Variants in RBM20 observed in about 807,000 individuals in gnomAD.
The protein encoded by RBM20 is RNA-binding protein 20.
A neutral mutation model predicts 110.1 loss-of-function variants in RBM20; 51 were observed. The observed-to-expected ratio is 0.46, with a 90% confidence interval of 0.37 to 0.59. The LOEUF is 0.59. Ranked by LOEUF, RBM20 falls within the 20% of genes least tolerant of loss-of-function variation. RBM20 has a pLI of 0.00. For missense variants in RBM20, 1,512 were observed against 1,574.9 expected, an observed-to-expected ratio of 0.96 and a Z score of 0.68; for synonymous variants, 589 against 618.2, an observed-to-expected ratio of 0.95 and a Z score of 0.70.
chr10:110,753,111 G>A (rs531756906), intron 1 of RBM20, among the ~76,000 whole-genome samples: 19 of 151,452 alleles, frequency 1.3e-4, no homozygotes, highest in Middle Eastern at 3.4e-3. Context: ...GCTAATTTTT[G>A]TATTTTTAGT....
At chr10:110,776,478 C>T (rs564136324) in intron 1 of RBM20, among the ~76,000 whole-genome samples, 119 of 152,154 alleles carry the variant, frequency 7.8e-4, no homozygotes, top group Non-Finnish European at 1.1e-3. Flanking sequence ...AATCTGTTTC[C>T]TGGTCTTTTC....
intron 6 of RBM20, among the ~76,000 whole-genome samples, chr10:110,798,837 T>A (rs1844585364): frequency 6.6e-6 from 1 of 152,130 alleles, no homozygotes; most frequent in South Asian, 2.1e-4. Context: ...GGAATCAGGA[T>A]CAGTATATTG....
Position 110,784,352 on chromosome 10 carries a change from G to T in RBM20, c.1349G>T (p.Arg450Leu), listed in dbSNP as rs377091991. ...CLVFSENAGI[R>L]CILGSAEGTL... ...CTCGCCCTCTCCAGTGCTGGCATCC[G>T]GTGTATACTTGGTTCGGCAGAGGGA... The change falls in exon 4 of 14, where the codon CGG becomes CTG. Residue 450 changes from arginine to leucine, a missense_variant. Arg to Leu is a moderately radical substitution (Grantham distance 102). This residue lies in a region of RBM20 where 1,149 missense variants were observed against 1,169.4 expected (regional missense o/e 0.98). Transcript: ENST00000369519. 5 of 1,550,676 alleles carry T rather than the reference G, an allele frequency of 3.2e-6. No individual in the cohort carries two copies. The highest frequency in any genetic ancestry group is 4.4e-6 in the Non-Finnish European group (5 of 1,146,528).
intron 1 of RBM20, among the ~76,000 whole-genome samples, chr10:110,662,349 G>A (rs2134825937): frequency 6.6e-6 from 1 of 152,298 alleles, no homozygotes; most frequent in South Asian, 2.1e-4. Flanking sequence ...ATCACTAGGG[G>A]AGACAGAGAT....
Position 110,821,450 on chromosome 10 carries a change from A to C in RBM20, c.2831A>C (p.Glu944Ala). The C allele has an allele frequency of 6.4e-7, 1 of 1,551,826 alleles. No homozygotes were observed. Among genetic ancestry groups the C allele is most frequent in the Non-Finnish European group, 8.7e-7 (1 of 1,147,018 alleles). The change falls in exon 11 of 14, where the codon GAA (glutamate) becomes GCA (alanine). Residue 944 changes from glutamate to alanine, a missense_variant. Glu to Ala is a moderately radical substitution (Grantham distance 107). This residue lies in a region of RBM20 where 358 missense variants were observed against 384.2 expected (regional missense o/e 0.93). Transcript: ENST00000369519. ...GACCAGAAAGACAAAATTTGCCCAG[A>C]AACATGTCTGTGTGTGACAACCACC... ...PIDQKDKICP[E>A]TCLCVTTTLD...
chr10:110,753,058 C>G (rs1189536651), intron 1 of RBM20, among the ~76,000 whole-genome samples: 4 of 151,078 alleles, frequency 2.6e-5, no homozygotes, highest in Non-Finnish European at 5.9e-5. Context: ...CCTGCCTCAG[C>G]CCCCTGAGTA....
intron 7 of RBM20, among the ~76,000 whole-genome samples, chr10:110,801,341 C>T (rs1295488260): frequency 6.6e-5 from 10 of 151,664 alleles, no homozygotes; most frequent in African/African-American, 1.7e-4. Flanking sequence ...GCAGGAGAAT[C>T]GCTTTAACCT....
intron 1 of RBM20, among the ~76,000 whole-genome samples, chr10:110,757,455 G>T (rs1262702739): frequency 6.6e-6 from 1 of 152,180 alleles, no homozygotes; most frequent in Non-Finnish European, 1.5e-5. Context: ...AGTAGAGTGG[G>T]TCTTTCTCCT....
chr10:110,740,559 A>T (rs1486209571), intron 1 of RBM20, among the ~76,000 whole-genome samples: 2 of 151,888 alleles, frequency 1.3e-5, no homozygotes, highest in Non-Finnish European at 2.9e-5. Context: ...CACCAGAGAG[A>T]TGGAGCCCCT....
At position 110,644,423 on chromosome 10, in the gene RBM20, C is replaced by T. The variant is rs1287385583; in HGVS notation, c.-32C>T. ...CGGGACCGCCCCTCCCTTGAGCTCTCTCGCCGCGATCCCGGGCGGGTCTCG... is the reference window on the plus strand; with the variant it reads ...CGGGACCGCCCCTCCCTTGAGCTCTTTCGCCGCGATCCCGGGCGGGTCTCG... On this transcript the variant is annotated 5_prime_UTR_variant, in exon 1 of 14. Transcript: ENST00000369519. The surrounding 1 kb of genome is among the most constrained non-coding windows in gnomAD (Gnocchi z 4.3). The T allele has an allele frequency of 6.9e-7, 1 of 1,441,586 alleles. No individual in the cohort carries two copies. Among genetic ancestry groups the T allele is most frequent in the African/African-American group, 1.5e-5 (1 of 67,504 alleles). 89.3% of individuals were successfully genotyped at this position (1,441,586 alleles called of 1,614,324 possible).
chr10:110,753,535 A>G (rs1156336575), intron 1 of RBM20, among the ~76,000 whole-genome samples: 2 of 152,176 alleles, frequency 1.3e-5, no homozygotes, highest in Non-Finnish European at 2.9e-5. Flanking sequence ...TAATCTTTAG[A>G]ATTTCCCTTG....
At chr10:110,672,398 A>G (rs1862274687) in intron 1 of RBM20, among the ~76,000 whole-genome samples, 1 of 152,198 alleles carries the variant, frequency 6.6e-6, no homozygotes. Flanking sequence ...GAGACAGTCA[A>G]AGGGGAGGCT....
intron 1 of RBM20, among the ~76,000 whole-genome samples, chr10:110,766,272 C>T (rs369516117): frequency 4.6e-5 from 7 of 151,622 alleles, no homozygotes; most frequent in East Asian, 3.9e-4. Context: ...TGTATCTAAC[C>T]GTTGTGAGGT....
Position 110,797,613 on chromosome 10 carries a change from G to C in RBM20, c.1633G>C (p.Val545Leu). The change falls in exon 6 of 14, where the codon GTC becomes CTC. Residue 545 changes from valine to leucine, a missense_variant. Physicochemically the swap from Val to Leu is conservative, Grantham distance 32. Transcript: ENST00000369519. ...VINLGLPFGK[V>L]TNYILMKSTN... Reference sequence around the variant, plus strand: ...TAACCTGGGGCTGCCCTTTGGAAAGGTCACTAATTACATCCTCATGAAGTC... The same window carrying C: ...TAACCTGGGGCTGCCCTTTGGAAAGCTCACTAATTACATCCTCATGAAGTC... 6.4e-7 allele frequency: 1 copy of C among 1,551,816 alleles called. No homozygotes were observed. The highest frequency in any genetic ancestry group is 8.7e-7 in the Non-Finnish European group (1 of 1,147,028).
intron 1 of RBM20, among the ~76,000 whole-genome samples, chr10:110,681,541 C>T (rs2134859961): frequency 2.0e-5 from 3 of 152,242 alleles, no homozygotes; most frequent in Middle Eastern, 6.8e-3. Context: ...GCTTTTAAGC[C>T]CTGTAAAGAC....
At chr10:110,760,879 G>A (rs1485268802) in intron 1 of RBM20, among the ~76,000 whole-genome samples, 2 of 150,994 alleles carry the variant, frequency 1.3e-5, no homozygotes, top group African/African-American at 2.4e-5. Context: ...AGATCATGAG[G>A]TCAGGAGTTT....
intron 13 of RBM20, among the ~76,000 whole-genome samples, chr10:110,831,972 T>C (rs971779099): frequency 6.6e-6 from 1 of 152,164 alleles, no homozygotes; most frequent in South Asian, 2.1e-4. Flanking sequence ...TATTTTTTGG[T>C]ACCAACTAGA....
intron 1 of RBM20, among the ~76,000 whole-genome samples, chr10:110,685,923 TAGG>T (rs1862497750): frequency 1.3e-5 from 2 of 152,210 alleles, no homozygotes; most frequent in Admixed American, 6.5e-5. Context: ...GCTGACATGA[TAGG>T]AGAACTTTTA....
At chr10:110,659,802 C>T (rs1862075957) in intron 1 of RBM20, among the ~76,000 whole-genome samples, 1 of 140,836 alleles carries the variant, frequency 7.1e-6, no homozygotes, top group Admixed American at 7.0e-5. Flanking sequence ...TCCCGTTCCC[C>T]TTCCCCTTCC....
Sources: gnomAD v4.1 joint callset for allele counts (sites outside exome capture counted in the v4.1 genomes callset) on GRCh38, gnomAD v4.1.1 for gene constraint, gnomAD v4.1.1 regional missense constraint, Gnocchi (gnomAD v3.1) non-coding constraint, MANE v1.5 for transcripts, NCBI Gene and HGNC (gene_info 2026-07-23, HGNC 2026-07-21) for gene names.